The following CSMD3 variants were observed in gnomAD, a reference collection of about 807,000 sequenced individuals.
CSMD3 encodes CUB and Sushi multiple domains 3.
Under a neutral mutation model 435.2 loss-of-function variants are expected in CSMD3, and 177 were observed. The ratio of observed to expected loss-of-function variants is 0.41; its 90% CI spans 0.36 to 0.46. The LOEUF (loss-of-function observed/expected upper bound fraction) is 0.46, where lower values mean the gene tolerates loss of function less well. Among genes scored for constraint, CSMD3 ranks in the 20% least tolerant of loss-of-function variants. CSMD3 has a pLI of 0.34. For synonymous variants in CSMD3, 1,656 were observed against 1,520.5 expected (o/e 1.09, Z -2.07); for missense variants, 4,265 against 4,504.6 (o/e 0.95, Z 1.52).
chr8:112,415,398 C>A (rs1472838986), intron 32 of CSMD3, among the ~76,000 whole-genome samples: 2 of 152,212 alleles, frequency 1.3e-5, no homozygotes, highest in Non-Finnish European at 2.9e-5. Context: ...GGTTTGGGAA[C>A]CTCTACCTAG....
chr8:112,751,900 T>C (rs2077580355), intron 13 of CSMD3, among the ~76,000 whole-genome samples: 1 of 152,138 alleles, frequency 6.6e-6, no homozygotes, highest in African/African-American at 2.4e-5. Flanking sequence ...TGGTGGTTTG[T>C]AAAGCCATCA....
At chr8:112,364,384 C>T (rs777083907) in intron 38 of CSMD3, among the ~76,000 whole-genome samples, 3 of 152,038 alleles carry the variant, frequency 2.0e-5, no homozygotes, top group African/African-American at 4.8e-5. Context: ...TCAGGGACTA[C>T]GTCCTGAGAT....
intron 18 of CSMD3, among the ~76,000 whole-genome samples, chr8:112,651,494 A>G (rs1380665251): frequency 6.6e-6 from 1 of 152,008 alleles, no homozygotes; most frequent in Admixed American, 6.6e-5. Context: ...TTTATCTGCT[A>G]AGTTCCTCTT....
At chr8:112,748,089 G>C (rs535654335) in intron 13 of CSMD3, among the ~76,000 whole-genome samples, 16 of 152,084 alleles carry the variant, frequency 1.1e-4, no homozygotes, top group African/African-American at 3.9e-4. Flanking sequence ...CCCTAGCTTT[G>C]GTAGGAGTAT....
chr8:112,791,724 T>C (rs922415246), intron 13 of CSMD3, among the ~76,000 whole-genome samples: 1 of 152,188 alleles, frequency 6.6e-6, no homozygotes, highest in African/African-American at 2.4e-5. Flanking sequence ...GGACAATTGA[T>C]TTCATTTCTC....
intron 22 of CSMD3, among the ~76,000 whole-genome samples, chr8:112,613,467 C>T (rs760360384): frequency 1.3e-5 from 2 of 152,088 alleles, no homozygotes; most frequent in African/African-American, 2.4e-5. Context: ...TAAACAGTTT[C>T]AATTTATGTA....
intron 50 of CSMD3, among the ~76,000 whole-genome samples, chr8:112,310,004 T>A (rs1821815474): frequency 6.6e-6 from 1 of 152,180 alleles, no homozygotes; most frequent in African/African-American, 2.4e-5. Context: ...TCAAAGTTGC[T>A]ATCTGCATCT....
At chr8:113,085,322 A>G (rs2089722360) in intron 5 of CSMD3, among the ~76,000 whole-genome samples, 1 of 152,136 alleles carries the variant, frequency 6.6e-6, no homozygotes. Flanking sequence ...AAGTCATACA[A>G]TTTTGGTGGG....
rs553817063 is a variant in CSMD3 at position 112,582,422 on chromosome 8, G to T, written c.3885+4644C>A. On this transcript the variant is annotated intron_variant, in intron 23 of 70. Transcript: ENST00000297405. ...TTATAGCAATGTAAAAAAAAAAGAG[G>T]GAGGCCTAATATAGCATGCTTGGTA... Among the ~76,000 whole-genome samples the T allele has an allele frequency of 9.2e-5, 14 of 151,970 alleles. No individual in the cohort carries two copies. In the South Asian group the frequency reaches 2.7e-3, roughly 29 times the overall value.
intron 50 of CSMD3, among the ~76,000 whole-genome samples, chr8:112,307,024 TAGAAAC>T (rs1037502505): frequency 1.3e-5 from 2 of 150,820 alleles, no homozygotes; most frequent in Middle Eastern, 3.2e-3. Flanking sequence ...AATTGGCACT[TAGAAAC>T]AGAAAAAAAA....
intron 10 of CSMD3, among the ~76,000 whole-genome samples, chr8:112,908,004 C>G (rs931146732): frequency 6.6e-6 from 1 of 151,246 alleles, no homozygotes; most frequent in African/African-American, 2.4e-5. Flanking sequence ...TACTACATTT[C>G]TACTTTTAAT....
Position 112,281,261 on chromosome 8 carries a change from A to C in CSMD3, c.9421T>G (p.Cys3141Gly), listed in dbSNP as rs1818603066. Residue 3141 changes from cysteine (C) to glycine (G), a missense_variant, in exon 59 of 71, where the codon TGC (cysteine) becomes GGC (glycine). By Grantham distance (159) the Cys-to-Gly change is radical. Coordinates refer to ENST00000297405, the MANE Select transcript of CSMD3 (RefSeq NM_198123.2). Reference protein sequence around the residue: ...TTFSSSVIYSCMEGYILSGPS... With the variant: ...TTFSSSVIYSGMEGYILSGPS... ...CCAGAAAGGATGTATCCCTCCATGC[A>C]GGAATAAATGACTGAACTAGAAAAT... 6.2e-7 allele frequency: 1 copy of C among 1,613,296 alleles called. No individual in the cohort carries two copies. The highest frequency in any genetic ancestry group is 1.3e-5 in the African/African-American group (1 of 74,908).
chr8:113,181,764 T>C (rs938065884), intron 3 of CSMD3, among the ~76,000 whole-genome samples: 1 of 152,000 alleles, frequency 6.6e-6, no homozygotes, highest in African/African-American at 2.4e-5. Flanking sequence ...AGGAGGCATA[T>C]TAGCAGCCAT....
At chr8:112,281,968 C>A (rs1586642699) in intron 58 of CSMD3, among the ~76,000 whole-genome samples, 1 of 151,890 alleles carries the variant, frequency 6.6e-6, no homozygotes, top group Non-Finnish European at 1.5e-5. Flanking sequence ...GTTACAAACA[C>A]GAATGTCTTT....
chr8:112,813,722 G>A (rs2079291787), intron 12 of CSMD3, among the ~76,000 whole-genome samples: 1 of 152,170 alleles, frequency 6.6e-6, no homozygotes, highest in Non-Finnish European at 1.5e-5. Context: ...TGCAGGAAAT[G>A]AGTGAGTTTC....
At chr8:113,015,241 T>A (rs932469577) in intron 6 of CSMD3, among the ~76,000 whole-genome samples, 4 of 152,126 alleles carry the variant, frequency 2.6e-5, no homozygotes, top group African/African-American at 9.6e-5. Flanking sequence ...TTCTGTCCAA[T>A]AAATATGCTT....
rs1165210754 is a variant in CSMD3, at chr8:112,966,427, C to T, written c.1342+9410G>A. Among the ~76,000 whole-genome samples the T allele has an allele frequency of 2.0e-5, 3 of 151,162 alleles. No homozygotes were observed. In the Admixed American group the frequency reaches 2.0e-4, roughly 10 times the overall value. ...CTCAGAATTTTTGATTTGGCATCAA[C>T]TTTTGTATACTTTTCTTTTTTCTCT... On this transcript the variant is annotated intron_variant, in intron 7 of 70. Coordinates refer to ENST00000297405, the MANE Select transcript of CSMD3 (RefSeq NM_198123.2).
At chr8:112,560,799 T>A (rs1828553774) in intron 24 of CSMD3, among the ~76,000 whole-genome samples, 1 of 151,690 alleles carries the variant, frequency 6.6e-6, no homozygotes, top group Non-Finnish European at 1.5e-5. Flanking sequence ...CATTTAAACG[T>A]CTTTGCTCAA....
chr8:112,524,633 G>A (rs1824666343), intron 27 of CSMD3, among the ~76,000 whole-genome samples: 1 of 151,776 alleles, frequency 6.6e-6, no homozygotes, highest in African/African-American at 2.4e-5. Context: ...CTTTGTTATT[G>A]AAACTGAAAA....
Sources: gnomAD v4.1 joint callset for allele counts (sites outside exome capture counted in the v4.1 genomes callset) on GRCh38, gnomAD v4.1.1 for gene constraint, MANE v1.5 for transcripts, NCBI Gene and HGNC (gene_info 2026-07-23, HGNC 2026-07-21) for gene names.